MICAL2: variants seen among roughly 807,000 people sequenced by gnomAD.
MICAL2 encodes microtubule associated monooxygenase, calponin and LIM domain containing 2, also known as [F-actin]-monooxygenase MICAL2.
Under a neutral mutation model 127.3 loss-of-function variants are expected in MICAL2, and 77 were observed. The observed-to-expected ratio is 0.60, with a 90% CI of 0.50 to 0.73. The LOEUF (loss-of-function observed/expected upper bound fraction) is 0.73, where lower values mean the gene tolerates loss of function less well. Ranked by LOEUF, MICAL2 falls within the 30% of genes least tolerant of loss-of-function variation. The pLI, the probability that MICAL2 is intolerant of heterozygous loss-of-function variation, is 0.00. For missense variants in MICAL2, 1,351 were observed against 1,434.4 expected (o/e 0.94, Z 0.94); for synonymous variants, 570 against 551.1 (o/e 1.03, Z -0.48).
intron 15 of MICAL2, among the ~76,000 whole-genome samples, chr11:12,227,414 C>T (rs1446290957): frequency 6.6e-6 from 1 of 152,222 alleles, no homozygotes; most frequent in African/African-American, 2.4e-5. Context: ...CAGATCAGCT[C>T]TGCTTCCTGA....
chr11:12,131,190 G>A (rs1194319967), intron 1 of MICAL2, among the ~76,000 whole-genome samples: 1 of 86,870 alleles, frequency 1.2e-5, no homozygotes, highest in African/African-American at 3.2e-5. Flanking sequence ...CTACTCGGGA[G>A]GCTGAGGCAG....
At chr11:12,339,399 C>T (rs1938822335) in intron 32 of MICAL2, among the ~76,000 whole-genome samples, 1 of 152,120 alleles carries the variant, frequency 6.6e-6, no homozygotes, top group South Asian at 2.1e-4. Flanking sequence ...GTTCGAACTT[C>T]CTCCTTTAGC....
At chr11:12,248,457 A>C (rs1240902075) in intron 21 of MICAL2, among the ~76,000 whole-genome samples, 3 of 152,164 alleles carry the variant, frequency 2.0e-5, no homozygotes, top group Non-Finnish European at 4.4e-5. Context: ...GGCCCATGGA[A>C]TGGCTATTGG....
intron 13 of MICAL2, chr11:12,225,903 G>T: frequency 2.0e-6 from 1 of 491,942 alleles, no homozygotes; most frequent in Non-Finnish European, 3.7e-6. Context: ...GCTCATAAAT[G>T]TTCCCAAGAG....
At chr11:12,361,275 G>T (rs1295154053), downstream of MICAL2, among the ~76,000 whole-genome samples, 1 of 152,172 alleles carries the variant, frequency 6.6e-6, no homozygotes, top group African/African-American at 2.4e-5. Context: ...CCAAACCATT[G>T]ATTTATTGGT....
chr11:12,350,044 C>T, intron 33 of MICAL2: 1 of 787,472 alleles, frequency 1.3e-6, no homozygotes, highest in Non-Finnish European at 2.1e-6. Context: ...CTTGTGCATA[C>T]AGAATAGTGA....
At chr11:12,114,895 C>T (rs1849884863) in intron 1 of MICAL2, among the ~76,000 whole-genome samples, 1 of 152,184 alleles carries the variant, frequency 6.6e-6, no homozygotes, top group Non-Finnish European at 1.5e-5. Flanking sequence ...AGCAACCGGC[C>T]TCCACAGGTC....
Position 12,225,212 on chromosome 11 carries a change from C to T in MICAL2, c.1688+392C>T, listed in dbSNP as rs144528049. Among the ~76,000 whole-genome samples the T allele has an allele frequency of 2.9e-3, 449 of 152,240 alleles. 15 individuals are homozygous for T. In the East Asian group the frequency reaches 0.049, roughly 16 times the overall value. The stretch of plus-strand genomic sequence containing the variant: ...GGTTTTATAGAATTAGGTTTGAGAC[C>T]CAGATCCATAAGCTGTGTGTCCTTG... On this transcript the variant is annotated intron_variant, in intron 13 of 27. Transcript: ENST00000683283.
At chr11:12,120,109 G>A (rs1219323759) in intron 1 of MICAL2, among the ~76,000 whole-genome samples, 1 of 152,138 alleles carries the variant, frequency 6.6e-6, no homozygotes, top group Non-Finnish European at 1.5e-5. Context: ...GCACTGGCTG[G>A]TCTCAGTCCC....
intron 1 of MICAL2, among the ~76,000 whole-genome samples, chr11:12,277,998 C>A (rs943528434): frequency 6.6e-6 from 1 of 152,092 alleles, no homozygotes; most frequent in African/African-American, 2.4e-5. Context: ...AGTAAAAATA[C>A]AGTAGAAAAT....
At chr11:12,294,706 C>A, downstream of MICAL2, 1 of 1,614,100 alleles carries the variant, frequency 6.2e-7, no homozygotes, top group African/African-American at 1.3e-5. Context: ...ACCTCTTTGG[C>A]AGCCCCAAGA....
intron 3 of MICAL2, among the ~76,000 whole-genome samples, chr11:12,183,193 T>A (rs1375274352): frequency 3.3e-5 from 5 of 151,958 alleles, no homozygotes; most frequent in Non-Finnish European, 7.4e-5. Context: ...TTTTAAATCC[T>A]GAATCAGAAA....
At chr11:12,242,929 T>C in intron 20 of MICAL2, 157 bp downstream of exon 20, 1 of 534,562 alleles carries the variant, frequency 1.9e-6, no homozygotes, top group Non-Finnish European at 3.2e-6. Context: ...CAAGCTGGCA[T>C]CTAGAAAAGA....
intron 26 of MICAL2, chr11:12,260,153 TC>T: frequency 1.3e-6 from 2 of 1,524,928 alleles, no homozygotes; most frequent in Non-Finnish European, 1.8e-6. Flanking sequence ...CTCAGGTGCT[TC>T]CCAGTCAAGC....
At chr11:12,255,785 C>A in intron 23 of MICAL2, 35 bp downstream of exon 23, 1 of 1,563,238 alleles carries the variant, frequency 6.4e-7, no homozygotes. Context: ...CACCCACAGA[C>A]ACTGGCTCTG....
intron 2 of MICAL2, among the ~76,000 whole-genome samples, chr11:12,282,694 T>C (rs1863785521): frequency 6.6e-6 from 1 of 152,206 alleles, no homozygotes; most frequent in South Asian, 2.1e-4. Context: ...GAGGAAAACA[T>C]ATATTGGTTT....
At chr11:12,123,228 ACT>A (rs1850654418) in intron 1 of MICAL2, among the ~76,000 whole-genome samples, 1 of 151,784 alleles carries the variant, frequency 6.6e-6, no homozygotes, top group Non-Finnish European at 1.5e-5. Context: ...ATTTTATATC[ACT>A]CTTGCATATA....
chr11:12,326,512 C>T (rs545513874), intron 31 of MICAL2, among the ~76,000 whole-genome samples: 2 of 152,278 alleles, frequency 1.3e-5, no homozygotes, highest in South Asian at 4.1e-4. Context: ...GATGTCATCC[C>T]CTAACAAGTT....
At chr11:12,149,812 G>A (rs1853375518) in intron 2 of MICAL2, among the ~76,000 whole-genome samples, 1 of 152,216 alleles carries the variant, frequency 6.6e-6, no homozygotes, top group Admixed American at 6.5e-5. Context: ...GCAGCAGGGA[G>A]CTGTGTGGTG....
Sources: allele counts gnomAD v4.1 joint callset (sites outside exome capture counted in the v4.1 genomes callset), GRCh38; gene constraint gnomAD v4.1.1; transcripts MANE v1.5; gene names NCBI Gene and HGNC (gene_info 2026-07-23, HGNC 2026-07-21).